The following RANBP3L variants were observed in gnomAD, a reference collection of about 807,000 sequenced individuals.
RANBP3L encodes ran-binding protein 3-like.
RANBP3L carries 56 observed loss-of-function variants against 67.2 expected under a neutral mutation model. The observed-to-expected ratio is 0.83, with a 90% CI of 0.67 to 1.04. The LOEUF (loss-of-function observed/expected upper bound fraction) is 1.04. RANBP3L is among the 50% of genes least tolerant of loss of function. The pLI, the probability that RANBP3L is intolerant of heterozygous loss-of-function variation, is 0.00. For missense variants in RANBP3L, 496 were observed against 535.5 expected (o/e 0.93, Z 0.73); for synonymous variants, 164 against 181.4 (o/e 0.90, Z 0.77).
intron 1 of RANBP3L, among the ~76,000 whole-genome samples, chr5:36,288,456 G>C (rs1751477947): frequency 6.6e-6 from 1 of 152,124 alleles, no homozygotes; most frequent in Admixed American, 6.5e-5. Flanking sequence ...CTTGTGCAAG[G>C]CTTTCGTGGA....
At chr5:36,296,830 C>A (rs1752251109) in intron 1 of RANBP3L, among the ~76,000 whole-genome samples, 1 of 152,138 alleles carries the variant, frequency 6.6e-6, no homozygotes, top group African/African-American at 2.4e-5. Context: ...CTCATCTAAT[C>A]AGTCAAAGGC....
Position 36,270,001 on chromosome 5 carries a change from A to G in RANBP3L, c.151-11T>C. ...GTCTTCTGCAGGTCTCTGAAAGGAA[A>G]CAAAACCACTGAGGAGAGCTGAGTA... On this transcript the variant is annotated splice_polypyrimidine_tract_variant and intron_variant, in intron 2 of 13. Coordinates refer to ENST00000296604, the MANE Select transcript of RANBP3L (RefSeq NM_145000.5). The G allele has an allele frequency of 6.2e-7, 1 of 1,611,752 alleles. No individual in the cohort carries two copies. Among genetic ancestry groups the G allele is most frequent in the East Asian group, 2.2e-5 (1 of 44,844 alleles).
In RANBP3L at chr5:36,262,109, A is replaced by C. The variant is rs1749440826; in HGVS notation, c.481-67T>G. 4 of 776,192 alleles carry C rather than the reference A, an allele frequency of 5.2e-6. No homozygotes were observed. The East Asian group carries it at 9.9e-5, about 19-fold the overall frequency. 48.1% of individuals were successfully genotyped at this position (776,192 alleles called of 1,614,324 possible). Reference sequence around the variant, plus strand: ...CTTACTATAGGACCATCAGACAAGGAAACAATAGTTATAGTTAAATATATT... The same window carrying C: ...CTTACTATAGGACCATCAGACAAGGCAACAATAGTTATAGTTAAATATATT... On this transcript the variant is annotated intron_variant, in intron 6 of 13. Coordinates refer to ENST00000296604, the MANE Select transcript of RANBP3L (RefSeq NM_145000.5).
intron 1 of RANBP3L, among the ~76,000 whole-genome samples, chr5:36,301,051 G>T (rs1261452449): frequency 1.3e-5 from 2 of 152,110 alleles, no homozygotes; most frequent in African/African-American, 4.8e-5. Flanking sequence ...GCTCAGATGG[G>T]TGTTTTGAAT....
At chr5:36,290,080 T>C (rs72744602) in intron 1 of RANBP3L, among the ~76,000 whole-genome samples, 6,424 of 152,292 alleles carry the variant, frequency 0.042, 190 homozygotes, top group Non-Finnish European at 0.06. Context: ...TGAGTTTTTA[T>C]ATCAGTTGGT....
Position 36,260,877 on chromosome 5 carries a change from A to C in RANBP3L, c.585-13T>G, listed in dbSNP as rs767623391. The C allele has an allele frequency of 1.4e-5, 16 of 1,125,424 alleles. No homozygotes were observed. Among genetic ancestry groups the C allele is most frequent in the Non-Finnish European group, 5.3e-6 (4 of 753,866 alleles). The allele number at this position is 1,125,424 out of a possible 1,614,324, so 69.7% of individuals were successfully genotyped here. On this transcript the variant is annotated splice_polypyrimidine_tract_variant and intron_variant, in intron 7 of 13. Coordinates refer to ENST00000296604, the MANE Select transcript of RANBP3L (RefSeq NM_145000.5). The stretch of plus-strand genomic sequence containing the variant: ...ATTTGGTTGACATCTAAGAAAATGA[A>C]ATAAGCATTTACTATTTTAAATACA...
chr5:36,248,208 C>T lies in RANBP3L; in HGVS notation c.*1446G>A, dbSNP rs1748389267. Among the ~76,000 whole-genome samples, 1 of 151,768 alleles carries T rather than the reference C, an allele frequency of 6.6e-6. No homozygotes were observed. Among genetic ancestry groups the T allele is most frequent in the Non-Finnish European group, 1.5e-5 (1 of 67,932 alleles). The stretch of plus-strand genomic sequence containing the variant: ...CTCTCTCACATTTACTTTATTTTTC[C>T]TCTTTATTTTCTGAGTCATTGACTC... On this transcript the variant is annotated 3_prime_UTR_variant, in exon 14 of 14. Coordinates refer to ENST00000296604, the MANE Select transcript of RANBP3L (RefSeq NM_145000.5).
At chr5:36,270,732 A>C (rs1750146393) in intron 2 of RANBP3L, among the ~76,000 whole-genome samples, 1 of 152,188 alleles carries the variant, frequency 6.6e-6, no homozygotes, top group South Asian at 2.1e-4. Flanking sequence ...CCCAGGCTTC[A>C]AACAGTCCTC....
intron 1 of RANBP3L, among the ~76,000 whole-genome samples, chr5:36,278,496 C>A (rs112752014): frequency 2.0e-5 from 3 of 152,208 alleles, no homozygotes; most frequent in African/African-American, 7.2e-5. Context: ...AGAGCACATT[C>A]AGATTTCTGT....
At chr5:36,289,818 CAA>C (rs201149088) in intron 1 of RANBP3L, among the ~76,000 whole-genome samples, 5 of 140,916 alleles carry the variant, frequency 3.5e-5, no homozygotes, top group Non-Finnish European at 3.1e-5. Flanking sequence ...CAATCATCTG[CAA>C]AAAAAAAAAA....
Position 36,265,578 on chromosome 5 carries a change from A to G in RANBP3L, c.269-58T>C. The G allele has an allele frequency of 3.9e-6, 4 of 1,021,940 alleles. No homozygotes were observed. The South Asian group carries it at 4.3e-5, about 11-fold the overall frequency. 63.3% of individuals were successfully genotyped at this position (1,021,940 alleles called of 1,614,324 possible). A position where few individuals can be genotyped will look rare whatever the true frequency, so the allele number is the denominator to read the frequency against. On this transcript the variant is annotated intron_variant, in intron 4 of 13. Transcript: ENST00000296604. ...ACAGAAGAGTGTCAGATTCTACACT[A>G]TTTGGGGCTTAACAATCCCATTCCG...
rs537137553 is a variant in RANBP3L at position 36,278,313 on chromosome 5, T to C, written c.92-7002A>G. Reference sequence around the variant, plus strand: ...ATTCAGATGTGGCCCATAAATAGTCTTAGAGATCCTTGCTCCTCAAAGTGT... The same window carrying C: ...ATTCAGATGTGGCCCATAAATAGTCCTAGAGATCCTTGCTCCTCAAAGTGT... On this transcript the variant is annotated intron_variant, in intron 1 of 13. Transcript: ENST00000296604. Among the ~76,000 whole-genome samples, 631 of 152,254 alleles carry C rather than the reference T, an allele frequency of 4.1e-3. 9 individuals carry two copies. Among genetic ancestry groups the C allele is most frequent in the Middle Eastern group, 0.01 (3 of 294 alleles).
At chr5:36,250,985 T>C (rs769571217) in intron 13 of RANBP3L, among the ~76,000 whole-genome samples, 9 of 152,118 alleles carry the variant, frequency 5.9e-5, no homozygotes, top group Non-Finnish European at 1.2e-4. Flanking sequence ...TTTATAATTC[T>C]TCCTAGTATA....
At chr5:36,292,141 T>C (rs1007763184) in intron 1 of RANBP3L, among the ~76,000 whole-genome samples, 8 of 152,112 alleles carry the variant, frequency 5.3e-5, no homozygotes, top group African/African-American at 1.7e-4. Flanking sequence ...TTGCATTCTC[T>C]GATGGCCAGT....
intron 1 of RANBP3L, among the ~76,000 whole-genome samples, chr5:36,295,681 T>G (rs982238519): frequency 6.6e-5 from 10 of 151,612 alleles, no homozygotes; most frequent in East Asian, 1.9e-4. Context: ...CTGTTTTTTT[T>G]TTTTTTTTTT....
chr5:36,277,151 C>T (rs920938661), intron 1 of RANBP3L, among the ~76,000 whole-genome samples: 3 of 152,168 alleles, frequency 2.0e-5, no homozygotes, highest in South Asian at 2.1e-4. Flanking sequence ...CCCTGGCAGT[C>T]CCTGCATTTT....
chr5:36,268,099 C>A, intron 4 of RANBP3L: 2 of 763,946 alleles, frequency 2.6e-6, no homozygotes, highest in South Asian at 2.5e-5. Context: ...AAAGTGTCAG[C>A]ATTTTATGAT....
intron 1 of RANBP3L, among the ~76,000 whole-genome samples, chr5:36,291,380 T>C (rs1751751738): frequency 6.6e-6 from 1 of 151,718 alleles, no homozygotes; most frequent in Non-Finnish European, 1.5e-5. Flanking sequence ...TTTTTCAGTT[T>C]TAGCTGTATC....
At chr5:36,279,633 T>C (rs537477524) in intron 1 of RANBP3L, among the ~76,000 whole-genome samples, 1 of 152,310 alleles carries the variant, frequency 6.6e-6, no homozygotes, top group Admixed American at 6.5e-5. Flanking sequence ...GCCCTGATCA[T>C]ACATGTTGAA....
Sources: gnomAD v4.1 joint callset for allele counts (sites outside exome capture counted in the v4.1 genomes callset) on GRCh38, gnomAD v4.1.1 for gene constraint, MANE v1.5 for transcripts, NCBI Gene and HGNC (gene_info 2026-07-23, HGNC 2026-07-21) for gene names.